The following TMEM151B variants were observed in gnomAD, a reference collection of about 807,000 sequenced individuals.
TMEM151B encodes transmembrane protein 151B.
A neutral mutation model predicts 33.0 loss-of-function variants in TMEM151B; 18 were observed. The ratio of observed to expected loss-of-function variants is 0.55; its 90% CI spans 0.38 to 0.81. The LOEUF (loss-of-function observed/expected upper bound fraction) is 0.81, where lower values mean the gene tolerates loss of function less well. Among genes scored for constraint, TMEM151B ranks in the 30% least tolerant of loss-of-function variants. The pLI, the probability that TMEM151B is intolerant of heterozygous loss-of-function variation, is 0.00. For missense variants in TMEM151B, 672 were observed against 843.4 expected (o/e 0.80, Z 2.52); for synonymous variants, 354 against 373.6 (o/e 0.95, Z 0.61).
intron 1 of TMEM151B, among the ~76,000 whole-genome samples, chr6:44,271,558 C>G (rs952097910): frequency 6.6e-6 from 1 of 152,094 alleles, no homozygotes; most frequent in Non-Finnish European, 1.5e-5. Flanking sequence ...CAGAGGCACA[C>G]AAGCGGGGAT....
chr6:44,275,690 G>A lies in TMEM151B; in HGVS notation c.864G>A (p.Pro288=). ...VDFREFMVAF[P]DPARPPWYAC... ...TCCGTGAGTTCATGGTGGCCTTCCC[G>A]GACCCGGCCCGGCCGCCCTGGTACG... The change falls in exon 3 of 3, where the codon CCG becomes CCA. Residue 288 remains proline, a synonymous_variant. Coordinates refer to ENST00000451188, the MANE Select transcript of TMEM151B (RefSeq NM_001137560.2). 1 of 1,550,880 alleles carries A rather than the reference G, an allele frequency of 6.4e-7. No homozygotes were observed. The highest frequency in any genetic ancestry group is 8.7e-7 in the Non-Finnish European group (1 of 1,146,692).
rs1232237578 is a variant in TMEM151B at position 44,276,727 on chromosome 6, G to A, written c.*200G>A. 10 of 1,139,544 alleles carry A rather than the reference G, an allele frequency of 8.8e-6. No homozygotes were observed. The highest frequency in any genetic ancestry group is 9.9e-6 in the Non-Finnish European group (9 of 904,534). The allele number at this position is 1,139,544 out of a possible 1,614,324, so 70.6% of individuals were successfully genotyped here. On this transcript the variant is annotated 3_prime_UTR_variant, in exon 3 of 3. Coordinates refer to ENST00000451188, the MANE Select transcript of TMEM151B (RefSeq NM_001137560.2). ...ACATAAAGAGACCGATGGGTGGGAGGGGGTCGGCTGCTCCCCGAGATCCCC... is the reference window on the plus strand; with the variant it reads ...ACATAAAGAGACCGATGGGTGGGAGAGGGTCGGCTGCTCCCCGAGATCCCC...
Position 44,275,835 on chromosome 6 carries a change from G to A in TMEM151B, c.1009G>A (p.Gly337Ser). ...CGTGGAGAAGCTATTTGGCCTGGAG[G>A]GCCCGGGCTCGGCCAGCAGCGCAGG... ...YHVEKLFGLEGPGSASSAGGG... is the reference protein window; with the variant it reads ...YHVEKLFGLESPGSASSAGGG... Residue 337 changes from glycine (G) to serine (S), a missense_variant, in exon 3 of 3, where the codon GGC (glycine) becomes AGC (serine). Gly to Ser is a moderately conservative substitution (Grantham distance 56, BLOSUM62 0). This residue lies in a region of TMEM151B where 324 missense variants were observed against 363.1 expected (regional missense o/e 0.89). Transcript: ENST00000451188. 4.5e-6 allele frequency: 7 copies of A among 1,542,066 alleles called. No homozygotes were observed. Among genetic ancestry groups the A allele is most frequent in the Non-Finnish European group, 6.1e-6 (7 of 1,145,778 alleles).
Position 44,276,234 on chromosome 6 carries a change from G to A in TMEM151B, c.1408G>A (p.Gly470Arg). The A allele has an allele frequency of 1.5e-6, 2 of 1,294,748 alleles. No homozygotes were observed. Among genetic ancestry groups the A allele is most frequent in the South Asian group, 2.4e-5 (1 of 41,344 alleles). The allele number at this position is 1,294,748 out of a possible 1,614,324, so 80.2% of individuals were successfully genotyped here. A position where few individuals can be genotyped will look rare whatever the true frequency, so the allele number is the denominator to read the frequency against. Reference protein sequence around the residue: ...GPGPGGGAGCGGSRFSLGRLY... With the variant: ...GPGPGGGAGCRGSRFSLGRLY... Reference sequence around the variant, plus strand: ...GGGGCCCGGTGGGGGCGCGGGCTGCGGGGGCAGCCGCTTCTCGCTGGGCCG... The same window carrying A: ...GGGGCCCGGTGGGGGCGCGGGCTGCAGGGGCAGCCGCTTCTCGCTGGGCCG... Residue 470 changes from glycine (G) to arginine (R), a missense_variant, in exon 3 of 3, where the codon GGG becomes AGG. Physicochemically the swap from Gly to Arg is moderately radical, Grantham distance 125. Around this residue, in one of 3 missense-constraint regions of TMEM151B, gnomAD observed 324 missense variants for 363.1 expected, o/e 0.89. Transcript: ENST00000451188.
Position 44,270,827 on chromosome 6 carries a change from A to ACGG in TMEM151B, c.96_98dup (p.Ala37dup). On this transcript the variant is annotated inframe_insertion, in exon 1 of 3. Transcript: ENST00000451188. ...CGGCCCCGGGGTCTCGGAGGAGCTC[A>ACGG]CGGCGGCGGCGGCAGCGGCGGCGGC... The ACGG allele has an allele frequency of 1.8e-6, 2 of 1,128,596 alleles. No homozygotes were observed. Among genetic ancestry groups the ACGG allele is most frequent in the South Asian group, 4.3e-5 (1 of 23,296 alleles). The allele number at this position is 1,128,596 out of a possible 1,614,324, so 69.9% of individuals were successfully genotyped here.
chr6:44,276,622 AG>A lies in TMEM151B; in HGVS notation c.*97del, dbSNP rs1782601580. ...GCAGGGCGAGTCACCACGGTGACTG[AG>A]GCCGCGCGGGGGGCAGGGAAAGGGA... On this transcript the variant is annotated 3_prime_UTR_variant, in exon 3 of 3. Coordinates refer to ENST00000451188, the MANE Select transcript of TMEM151B (RefSeq NM_001137560.2). The A allele has an allele frequency of 1.6e-6, 2 of 1,285,908 alleles. No individual in the cohort carries two copies. The highest frequency in any genetic ancestry group is 3.1e-5 in the African/African-American group (2 of 64,658). 79.7% of individuals were successfully genotyped at this position (1,285,908 alleles called of 1,614,324 possible).
At position 44,277,782 on chromosome 6, in the gene TMEM151B, G is replaced by C. The variant is rs1782650743; in HGVS notation, c.*1255G>C. ...CTGTGTGTCGCAGGGTCTTCAAAGG[G>C]GCATCCTGCCACCACCCCAGGGCGC... On this transcript the variant is annotated 3_prime_UTR_variant, in exon 3 of 3. Transcript: ENST00000451188. The C allele has an allele frequency of 6.6e-6, 1 of 152,210 alleles. No individual in the cohort carries two copies. The highest frequency in any genetic ancestry group is 1.5e-5 in the Non-Finnish European group (1 of 68,100). 9.4% of individuals were successfully genotyped at this position (152,210 alleles called of 1,614,324 possible). A position where few individuals can be genotyped will look rare whatever the true frequency, so the allele number is the denominator to read the frequency against.
intron 2 of TMEM151B, among the ~76,000 whole-genome samples, chr6:44,274,127 A>G (rs1026107629): frequency 6.6e-6 from 1 of 152,148 alleles, no homozygotes; most frequent in Non-Finnish European, 1.5e-5. Flanking sequence ...AGGTGGGAGA[A>G]TCGCTTGAGC....
chr6:44,276,188 CGCCAGCCCGCGG>C lies in TMEM151B; in HGVS notation c.1366_1377del (p.Ser456_Ala459del). The C allele has an allele frequency of 1.5e-6, 2 of 1,291,672 alleles. No individual in the cohort carries two copies. The highest frequency in any genetic ancestry group is 6.3e-5 in the East Asian group (2 of 31,528). The allele number at this position is 1,291,672 out of a possible 1,614,324, so 80.0% of individuals were successfully genotyped here. ...TCTCGCGCAGCGCCCTAAGCATCTG[CGCCAGCCCGCGG>C]GCCGGCCCGGGGCCCGGTGGGGGCG... On this transcript the variant is annotated inframe_deletion, in exon 3 of 3. Coordinates refer to ENST00000451188, the MANE Select transcript of TMEM151B (RefSeq NM_001137560.2).
intron 2 of TMEM151B, among the ~76,000 whole-genome samples, chr6:44,274,567 G>A (rs1277786450): frequency 2.6e-5 from 4 of 152,240 alleles, no homozygotes; most frequent in Admixed American, 6.5e-5. Flanking sequence ...AGCCTGGGGC[G>A]GGTGAGAAGC....
rs1782583685 is a variant in TMEM151B at position 44,276,256 on chromosome 6, G to T, written c.1430G>T (p.Gly477Val). The stretch of plus-strand genomic sequence containing the variant: ...TGCGGGGGCAGCCGCTTCTCGCTGG[G>T]CCGTCTCTACGGCTCCCGGCGCAGC... ...AGCGGSRFSL[G>V]RLYGSRRSCL... The change falls in exon 3 of 3, where the codon GGC (glycine) becomes GTC (valine). Residue 477 changes from glycine (G) to valine (V), a missense_variant. Gly to Val is a moderately radical substitution (Grantham distance 109). Transcript: ENST00000451188. 8 of 1,321,550 alleles carry T rather than the reference G, an allele frequency of 6.1e-6. No homozygotes were observed. In the South Asian group the frequency reaches 1.7e-4, roughly 27 times the overall value. 81.9% of individuals were successfully genotyped at this position (1,321,550 alleles called of 1,614,324 possible).
rs755629628 is a variant in TMEM151B at position 44,273,875 on chromosome 6, A to G, written c.576+369A>G. Reference sequence around the variant, plus strand: ...TGGAGATGAGACTTGAACTCAATCAATCTGGCTCCAGGATCTCTATACTGT... The same window carrying G: ...TGGAGATGAGACTTGAACTCAATCAGTCTGGCTCCAGGATCTCTATACTGT... On this transcript the variant is annotated intron_variant, in intron 2 of 2. Transcript: ENST00000451188. Among the ~76,000 whole-genome samples the G allele has an allele frequency of 3.9e-5, 6 of 152,216 alleles. No homozygotes were observed. In the East Asian group the frequency reaches 7.7e-4, roughly 20 times the overall value.
In TMEM151B at chr6:44,276,209, G is replaced by A; in HGVS notation, c.1383G>A (p.Pro461=). Residue 461 remains proline, a synonymous_variant, in exon 3 of 3, where the codon CCG becomes CCA. Coordinates refer to ENST00000451188, the MANE Select transcript of TMEM151B (RefSeq NM_001137560.2). ...TCTGCGCCAGCCCGCGGGCCGGCCC[G>A]GGGCCCGGTGGGGGCGCGGGCTGCG... The part of the protein sequence containing the change: ...LSICASPRAG[P]GPGGGAGCGG... 7.8e-7 allele frequency: 1 copy of A among 1,288,872 alleles called. No individual in the cohort carries two copies. The highest frequency in any genetic ancestry group is 9.8e-7 in the Non-Finnish European group (1 of 1,022,048). 79.8% of individuals were successfully genotyped at this position (1,288,872 alleles called of 1,614,324 possible). A position where few individuals can be genotyped will look rare whatever the true frequency, so the allele number is the denominator to read the frequency against.
rs1279143821 is a variant in TMEM151B, at chr6:44,273,187, C to G, written c.257C>G (p.Thr86Arg). ...LGAVAWCHVTTVTRLTFSSAY... is the reference protein window; with the variant it reads ...LGAVAWCHVTRVTRLTFSSAY... ...GCAGTGGCCTGGTGCCACGTCACCA[C>G]AGTGACGCGCCTCACCTTCAGCAGC... The change falls in exon 2 of 3, where the codon ACA becomes AGA. Residue 86 changes from threonine (T) to arginine (R), a missense_variant. Around this residue, in one of 3 missense-constraint regions of TMEM151B, gnomAD observed 285 missense variants for 423.1 expected, o/e 0.67. Transcript: ENST00000451188. The G allele has an allele frequency of 3.9e-6, 6 of 1,549,366 alleles. No individual in the cohort carries two copies. Among genetic ancestry groups the G allele is most frequent in the South Asian group, 1.2e-5 (1 of 84,034 alleles).
At chr6:44,273,895 T>C (rs556184259) in intron 2 of TMEM151B, among the ~76,000 whole-genome samples, 2 of 152,326 alleles carry the variant, frequency 1.3e-5, no homozygotes, top group South Asian at 2.1e-4. Context: ...AGGATCTCTA[T>C]ACTGTTTAGT....
chr6:44,276,562 G>A lies in TMEM151B; in HGVS notation c.*35G>A. 1 of 1,335,690 alleles carries A rather than the reference G, an allele frequency of 7.5e-7. No individual in the cohort carries two copies. The highest frequency in any genetic ancestry group is 9.6e-7 in the Non-Finnish European group (1 of 1,041,120). 82.7% of individuals were successfully genotyped at this position (1,335,690 alleles called of 1,614,324 possible). On this transcript the variant is annotated 3_prime_UTR_variant, in exon 3 of 3. Coordinates refer to ENST00000451188, the MANE Select transcript of TMEM151B (RefSeq NM_001137560.2). ...CCGGAGTGGCCCGCGCCGTCCTCCC[G>A]CCTGCCCCTCGCCGGACTGTGCTCC...
chr6:44,274,875 TTGGGAGGCCGAGGCGG>T (rs1329502588), intron 2 of TMEM151B, among the ~76,000 whole-genome samples: 1 of 151,980 alleles, frequency 6.6e-6, no homozygotes, highest in Non-Finnish European at 1.5e-5. Flanking sequence ...TCCCAGCACT[TTGGGAGGCCGAGGCGG>T]GTGGATCACG....
Position 44,273,603 on chromosome 6 carries a change from G to A in TMEM151B, c.576+97G>A, listed in dbSNP as rs1782452759. 4 of 1,344,988 alleles carry A rather than the reference G, an allele frequency of 3.0e-6. No individual in the cohort carries two copies. In the Admixed American group the frequency reaches 7.7e-5, roughly 26 times the overall value. 83.3% of individuals were successfully genotyped at this position (1,344,988 alleles called of 1,614,324 possible). On this transcript the variant is annotated intron_variant, in intron 2 of 2. Transcript: ENST00000451188. ...CCACCTCCCTGGGGGGAAGGTGGGA[G>A]GAGCAAAAGGCAGCAGTGAGCTCCC...
intron 2 of TMEM151B, among the ~76,000 whole-genome samples, chr6:44,273,989 C>T (rs1244431284): frequency 6.6e-6 from 1 of 152,124 alleles, no homozygotes. Context: ...GCAGAAGGAT[C>T]TCTTGAGCCA....
Sources: gnomAD v4.1 joint callset for allele counts (sites outside exome capture counted in the v4.1 genomes callset) on GRCh38, gnomAD v4.1.1 for gene constraint, gnomAD v4.1.1 regional missense constraint, MANE v1.5 for transcripts, NCBI Gene and HGNC (gene_info 2026-07-23, HGNC 2026-07-21) for gene names.